DNMT1: variants seen among roughly 807,000 people sequenced by gnomAD.
DNMT1 encodes the protein DNA methyltransferase 1.
Under a neutral mutation model 205.3 loss-of-function variants are expected in DNMT1, and 24 were observed. The ratio of observed to expected loss-of-function variants is 0.12; its 90% CI spans 0.08 to 0.16. The LOEUF is 0.16. Ranked by LOEUF, DNMT1 falls within the 10% of genes least tolerant of loss-of-function variation. The probability of loss-of-function intolerance (pLI) is 1.00; values close to 1 mark genes in which losing one functional copy is unlikely to be tolerated. For synonymous variants in DNMT1, 817 were observed against 839.8 expected (o/e 0.97, Z 0.47); for missense variants, 1,293 against 2,177.7 (o/e 0.59, Z 8.09).
chr19:10,148,246 C>T (rs896222491), intron 27 of DNMT1, among the ~76,000 whole-genome samples: 3 of 151,142 alleles, frequency 2.0e-5, no homozygotes, highest in East Asian at 3.9e-4. Flanking sequence ...CCTGTAATCC[C>T]AGCACTTTGG....
At chr19:10,189,044 T>C (rs1295638183) in intron 1 of DNMT1, among the ~76,000 whole-genome samples, 1 of 152,176 alleles carries the variant, frequency 6.6e-6, no homozygotes, top group Non-Finnish European at 1.5e-5. Flanking sequence ...GTAATAAATG[T>C]ATGTCCTTTA....
rs115469698 is a variant in DNMT1 at position 10,160,665 on chromosome 19, C to T, written c.1009-247G>A. On this transcript the variant is annotated intron_variant, in intron 13 of 40. Transcript: ENST00000359526. ...ATCCCAGCACTTTGGGAGGCCAAGG[C>T]ACACAGATGACTGGAGGTCAGGAGT... is the stretch of plus-strand genomic sequence containing the variant. 5.9e-3 allele frequency among the ~76,000 whole-genome samples: 891 copies of T among 152,222 alleles called. 7 individuals are homozygous for T. The highest frequency in any genetic ancestry group is 0.021 in the African/African-American group (856 of 41,528).
chr19:10,173,735 G>T, intron 8 of DNMT1, 136 bp downstream of exon 8: 1 of 869,310 alleles, frequency 1.2e-6, no homozygotes, highest in Non-Finnish European at 1.9e-6. Flanking sequence ...CAAGTGATTC[G>T]CCCATCTTGG....
intron 8 of DNMT1, 32 bp downstream of exon 8, chr19:10,173,827 CACAACTCGTAGA>C (rs1568249011): frequency 6.2e-7 from 1 of 1,609,212 alleles, no homozygotes. Flanking sequence ...ATCAAGATTA[CACAACTCGTAGA>C]ACAAAAAGAA....
intron 2 of DNMT1, 56 bp from the exon 3 acceptor site, chr19:10,180,941 G>A: frequency 7.1e-7 from 1 of 1,412,586 alleles, no homozygotes; most frequent in African/African-American, 1.4e-5. Flanking sequence ...TTCACTAGTG[G>A]ACTAATACAC....
intron 10 of DNMT1, among the ~76,000 whole-genome samples, chr19:10,167,218 CAG>C (rs911901859): frequency 2.0e-5 from 3 of 151,196 alleles, no homozygotes; most frequent in Non-Finnish European, 4.4e-5. Flanking sequence ...TTTCTTGAGG[CAG>C]AGTCTCGCTC....
intron 10 of DNMT1, among the ~76,000 whole-genome samples, chr19:10,168,123 AAAATT>A (rs755088023): frequency 1.2e-4 from 18 of 152,190 alleles, no homozygotes; most frequent in East Asian, 5.8e-4. Context: ...ACTCCGTCTC[AAAATT>A]AAATTAAATT....
rs753248212 is a variant in DNMT1 at position 10,136,223 on chromosome 19, G to A, written c.4554C>T (p.His1518=). 13 of 1,614,046 alleles carry A rather than the reference G, an allele frequency of 8.1e-6. No individual in the cohort carries two copies. In the Admixed American group the frequency reaches 1.8e-4, roughly 23 times the overall value. The part of the protein sequence containing the change: ...FNTLIPWCLP[H]TGNRHNHWAG... ...CCCAGTGGTTGTGCCGGTTCCCGGTGTGGGGCAGGCACCAGGGGATGAGGG... is the reference window on the plus strand; with the variant it reads ...CCCAGTGGTTGTGCCGGTTCCCGGTATGGGGCAGGCACCAGGGGATGAGGG... The change falls in exon 38 of 41, where the codon CAC becomes CAT. Residue 1518 remains histidine, a synonymous_variant. Transcript: ENST00000359526.
chr19:10,172,070 G>GA (rs1203392104), intron 9 of DNMT1, among the ~76,000 whole-genome samples: 6 of 151,766 alleles, frequency 4.0e-5, no homozygotes, highest in Non-Finnish European at 8.8e-5. Context: ...TCCTCGCTAT[G>GA]ACAACCTCAT....
At chr19:10,135,231 G>T (rs1352329061) in intron 39 of DNMT1, among the ~76,000 whole-genome samples, 2 of 110,490 alleles carry the variant, frequency 1.8e-5, no homozygotes, top group Non-Finnish European at 3.9e-5. Flanking sequence ...AAAAAAAAAA[G>T]AGAGAGTGGC....
rs1479455681 is a variant in DNMT1 at position 10,135,758 on chromosome 19, T to C, written c.4751A>G (p.Asn1584Ser). The C allele has an allele frequency of 6.2e-7, 1 of 1,606,232 alleles. No individual in the cohort carries two copies. The highest frequency in any genetic ancestry group is 1.1e-5 in the South Asian group (1 of 89,854). ...GFPDTYRLFG[N>S]ILDKHRQVGN... ...GACCTGCCGGTGCTTGTCCAGGATG[T>C]TGCCGAAGAGCCGGTAGGTGTCAGG... Residue 1584 changes from asparagine to serine, a missense_variant, in exon 39 of 41, where the codon AAC becomes AGC. Around this residue, in one of 13 missense-constraint regions of DNMT1, gnomAD observed 24 missense variants for 58.0 expected, o/e 0.41. Coordinates refer to ENST00000359526, the MANE Select transcript of DNMT1 (RefSeq NM_001130823.3).
intron 24 of DNMT1, among the ~76,000 whole-genome samples, chr19:10,150,839 T>C (rs1568231826): frequency 6.6e-6 from 1 of 152,138 alleles, no homozygotes; most frequent in Non-Finnish European, 1.5e-5. Context: ...CTGCCTGTAA[T>C]CCCAGCACTT....
At chr19:10,145,789 C>A (rs958910946) in intron 28 of DNMT1, among the ~76,000 whole-genome samples, 7 of 152,120 alleles carry the variant, frequency 4.6e-5, no homozygotes, top group Admixed American at 4.6e-4. Flanking sequence ...TGGGGGTGGG[C>A]CCCCAGCTGT....
intron 1 of DNMT1, among the ~76,000 whole-genome samples, chr19:10,185,830 C>A (rs1378925936): frequency 6.7e-6 from 1 of 148,206 alleles, no homozygotes; most frequent in East Asian, 2.0e-4. Context: ...CAGAACAAGA[C>A]CCTGTCTCAA....
chr19:10,179,262 AC>A (rs2038994338), intron 5 of DNMT1, among the ~76,000 whole-genome samples: 2 of 152,062 alleles, frequency 1.3e-5, no homozygotes, highest in African/African-American at 4.8e-5. Flanking sequence ...GTCATCTGCA[AC>A]CTGTCACACT....
At chr19:10,162,909 T>TTCAGAGGCCC (rs1485050219) in intron 12 of DNMT1, 161 bp from the exon 13 acceptor site, 1 of 731,828 alleles carries the variant, frequency 1.4e-6, no homozygotes, top group African/African-American at 1.8e-5. Context: ...AGACGAGGCC[T>TTCAGAGGCCC]TCAGAGGCCC....
At chr19:10,172,638 A>G (rs1247241658) in intron 9 of DNMT1, among the ~76,000 whole-genome samples, 1 of 152,010 alleles carries the variant, frequency 6.6e-6, no homozygotes, top group Non-Finnish European at 1.5e-5. Flanking sequence ...AGCCTGGCCA[A>G]CACAGTGAAA....
Position 10,151,357 on chromosome 19 carries a change from G to A in DNMT1, c.2265+41C>T, listed in dbSNP as rs528165713. ...ATACTAGAGGGCAACCTGCTTATTG[G>A]GAACATGGCAGTGAGCTGACCAAGG... On this transcript the variant is annotated intron_variant, in intron 24 of 40. Transcript: ENST00000359526. The surrounding 1 kb of genome is among the most constrained non-coding windows in gnomAD (Gnocchi z 5.0). 18 of 1,607,428 alleles carry A rather than the reference G, an allele frequency of 1.1e-5. No individual in the cohort carries two copies. Among genetic ancestry groups the A allele is most frequent in the Non-Finnish European group, 1.4e-5 (17 of 1,179,972 alleles).
At chr19:10,181,632 C>T (rs1226884727) in intron 2 of DNMT1, among the ~76,000 whole-genome samples, 1 of 151,568 alleles carries the variant, frequency 6.6e-6, no homozygotes, top group Non-Finnish European at 1.5e-5. Context: ...CGTTCAAGAC[C>T]AGTCTGGCCA....
Sources: gnomAD v4.1 joint callset for allele counts (sites outside exome capture counted in the v4.1 genomes callset) on GRCh38, gnomAD v4.1.1 for gene constraint, gnomAD v4.1.1 regional missense constraint, Gnocchi (gnomAD v3.1) non-coding constraint, MANE v1.5 for transcripts, NCBI Gene and HGNC (gene_info 2026-07-23, HGNC 2026-07-21) for gene names.